The following GRK4 variants were observed in gnomAD, a reference collection of about 807,000 sequenced individuals.
GRK4 encodes the protein G protein-coupled receptor kinase 4, also known as G protein-coupled receptor kinase 2-like.
In GRK4, 73 loss-of-function variants were observed where a neutral mutation model predicts 77.9. The observed-to-expected ratio is 0.94, with a 90% CI of 0.78 to 1.14. GRK4 has a LOEUF of 1.14. Ranked by LOEUF, GRK4 falls within the 50% of genes most tolerant of loss-of-function variation. The pLI is 0.00. For missense variants in GRK4, 729 were observed against 700.2 expected, an observed-to-expected ratio of 1.04 and a Z score of -0.46; for synonymous variants, 257 against 254.4, an observed-to-expected ratio of 1.01 and a Z score of -0.10.
chr4:2,997,637 T>C (rs2471335), intron 4 of GRK4, among the ~76,000 whole-genome samples: 59,877 of 151,986 alleles, frequency 0.39, 12,794 homozygotes, highest in African/African-American at 0.55. Context: ...AGGCCGGGTG[T>C]GGTGGTGTTC....
Position 3,040,628 on chromosome 4 carries a change from A to G in GRK4, c.*3A>G, listed in dbSNP as rs781621433. 1.2e-6 allele frequency: 2 copies of G among 1,609,982 alleles called. No homozygotes were observed. The highest frequency in any genetic ancestry group is 3.4e-5 in the Admixed American group (2 of 59,468). On this transcript the variant is annotated 3_prime_UTR_variant, in exon 16 of 16. Coordinates refer to ENST00000398052, the MANE Select transcript of GRK4 (RefSeq NM_182982.3). ...AAGTGGAACCCAAGCAATGCTGAGC[A>G]CCCCGGTGCGGACCACAGAGCAGAC...
intron 3 of GRK4, among the ~76,000 whole-genome samples, chr4:2,990,642 T>C (rs1357760052): frequency 6.6e-6 from 1 of 152,150 alleles, no homozygotes; most frequent in Non-Finnish European, 1.5e-5. Context: ...TAAGTTCTCA[T>C]GTAGTGGGTA....
chr4:3,037,730 C>G (rs1340461638), intron 14 of GRK4, among the ~76,000 whole-genome samples: 5 of 152,174 alleles, frequency 3.3e-5, no homozygotes, highest in African/African-American at 1.2e-4. Flanking sequence ...GCCTGGCCAA[C>G]ATAGTGAAAC....
At position 3,017,360 on chromosome 4, in the gene GRK4, A is replaced by T. The variant is rs143428883; in HGVS notation, c.742-2281A>T. On this transcript the variant is annotated intron_variant, in intron 8 of 15. Coordinates refer to ENST00000398052, the MANE Select transcript of GRK4 (RefSeq NM_182982.3). ...TTGGATGGTTTCTTTGCATTGGTTC[A>T]TCTGTCATCTGTAACTGCCCAGGCC... is the stretch of plus-strand genomic sequence containing the variant. Among the ~76,000 whole-genome samples, 32 of 152,224 alleles carry T rather than the reference A, an allele frequency of 2.1e-4. No homozygotes were observed. In the East Asian group the frequency reaches 6.2e-3, roughly 29 times the overall value.
intron 1 of GRK4, among the ~76,000 whole-genome samples, chr4:2,978,858 C>T (rs944851215): frequency 2.6e-5 from 4 of 152,024 alleles, no homozygotes; most frequent in South Asian, 2.1e-4. Context: ...TTTGGGAGGC[C>T]GAGGTGGGCG....
intron 4 of GRK4, among the ~76,000 whole-genome samples, chr4:3,000,531 T>A (rs768522822): frequency 6.6e-6 from 1 of 151,492 alleles, no homozygotes; most frequent in Non-Finnish European, 1.5e-5. Context: ...ATGAACAAAC[T>A]TCTTTTCTTT....
At chr4:2,964,252 A>C in intron 1 of GRK4, 130 bp downstream of exon 1, 1 of 785,776 alleles carries the variant, frequency 1.3e-6, no homozygotes, top group Non-Finnish European at 2.0e-6. Context: ...GACACCTCCC[A>C]CTGGGGGAAC....
intron 1 of GRK4, among the ~76,000 whole-genome samples, chr4:2,970,585 G>A (rs910654465): frequency 6.6e-6 from 1 of 151,702 alleles, no homozygotes; most frequent in Non-Finnish European, 1.5e-5. Context: ...TTGAACCCGG[G>A]AGGTGGAGGT....
intron 13 of GRK4, 47 bp from the exon 14 acceptor site, chr4:3,037,327 G>A: frequency 2.0e-6 from 3 of 1,526,816 alleles, no homozygotes; most frequent in South Asian, 1.2e-5. Context: ...AGGGAGCTGA[G>A]AATTGCTGTA....
At chr4:3,034,428 T>C (rs1296698112) in intron 12 of GRK4, among the ~76,000 whole-genome samples, 1 of 152,168 alleles carries the variant, frequency 6.6e-6, no homozygotes, top group Admixed American at 6.5e-5. Flanking sequence ...AAAAGGGTGG[T>C]GTCGATAAAG....
intron 1 of GRK4, among the ~76,000 whole-genome samples, chr4:2,980,487 A>G (rs1722561695): frequency 6.6e-6 from 1 of 151,482 alleles, no homozygotes; most frequent in Admixed American, 6.6e-5. Context: ...ATCCTATTTA[A>G]TCTCCACAAC....
At chr4:2,979,463 A>G (rs1281280769) in intron 1 of GRK4, among the ~76,000 whole-genome samples, 1 of 150,032 alleles carries the variant, frequency 6.7e-6, no homozygotes, top group East Asian at 2.0e-4. Flanking sequence ...CTGTAATCCC[A>G]GCACTTTGGG....
chr4:2,977,620 G>C (rs1721609187), intron 1 of GRK4, among the ~76,000 whole-genome samples: 1 of 152,220 alleles, frequency 6.6e-6, no homozygotes, highest in Non-Finnish European at 1.5e-5. Context: ...TGAGTAGACT[G>C]TGCTTTGTGC....
intron 10 of GRK4, among the ~76,000 whole-genome samples, chr4:3,027,246 C>G (rs1737846269): frequency 6.6e-6 from 1 of 152,158 alleles, no homozygotes; most frequent in Admixed American, 6.5e-5. Context: ...AGGGTCTTGT[C>G]ATGTTTCCCA....
At chr4:3,030,667 T>G (rs1244134615) in intron 12 of GRK4, among the ~76,000 whole-genome samples, 1 of 149,328 alleles carries the variant, frequency 6.7e-6, no homozygotes, top group Admixed American at 6.7e-5. Context: ...GTCGGCCTGC[T>G]GGGCAGAGCA....
intron 8 of GRK4, among the ~76,000 whole-genome samples, chr4:3,016,485 TCCA>T (rs1734531175): frequency 3.0e-5 from 4 of 135,508 alleles, no homozygotes; most frequent in South Asian, 4.4e-4. Context: ...GCCATTGTAC[TCCA>T]GCCTGTGTAC....
intron 1 of GRK4, among the ~76,000 whole-genome samples, chr4:2,975,352 G>A (rs1034849725): frequency 2.0e-5 from 3 of 152,118 alleles, no homozygotes; most frequent in African/African-American, 4.8e-5. Flanking sequence ...AGGGCCAGAC[G>A]TGGCTCCTCA....
chr4:2,977,167 CT>C lies in GRK4; in HGVS notation c.53-7337del, dbSNP rs200983375. On this transcript the variant is annotated intron_variant, in intron 1 of 15. Transcript: ENST00000398052. Reference sequence around the variant, plus strand: ...GGCCCAAATTTCTGGTCTGTTTGCACTTTTTTTTTATTGCTGCTTACAAAGC... The same window carrying C: ...GGCCCAAATTTCTGGTCTGTTTGCACTTTTTTTTATTGCTGCTTACAAAGC... 5.9e-5 allele frequency among the ~76,000 whole-genome samples: 9 copies of C among 151,618 alleles called. No individual in the cohort carries two copies. The East Asian group carries it at 7.7e-4, about 13-fold the overall frequency.
rs1258770873 is a variant in GRK4 at position 3,013,741 on chromosome 4, A to G, written c.654A>G (p.Leu218=). 2 of 1,613,692 alleles carry G rather than the reference A, an allele frequency of 1.2e-6. No individual in the cohort carries two copies. The highest frequency in any genetic ancestry group is 3.3e-5 in the Admixed American group (2 of 59,918). The change falls in exon 8 of 16, where the codon CTA becomes CTG. Residue 218 remains leucine (L), a synonymous_variant. Coordinates refer to ENST00000398052, the MANE Select transcript of GRK4 (RefSeq NM_182982.3). ...ATGKMYACKK[L]QKKRIKKRKG... is the part of the protein sequence containing the mutation. ...GAAAAATGTATGCCTGCAAAAAGCT[A>G]CAAAAAAAAAGAATAAAGAAGAGGA...
Sources: allele counts gnomAD v4.1 joint callset (sites outside exome capture counted in the v4.1 genomes callset), GRCh38; gene constraint gnomAD v4.1.1; transcripts MANE v1.5; gene names NCBI Gene and HGNC (gene_info 2026-07-23, HGNC 2026-07-21).